Variants in RABEP1 observed in about 807,000 individuals in gnomAD.
RABEP1 encodes the protein rabaptin, RAB GTPase binding effector protein 1.
In RABEP1, 51 loss-of-function variants were observed where a neutral mutation model predicts 123.4. That is an observed-to-expected ratio of 0.41 (90% CI 0.33 to 0.52). The LOEUF (loss-of-function observed/expected upper bound fraction) is 0.52, where lower values mean the gene tolerates loss of function less well. Among genes scored for constraint, RABEP1 ranks in the 20% least tolerant of loss-of-function variants. The probability of loss-of-function intolerance (pLI) is 0.16; values close to 1 mark genes in which losing one functional copy is unlikely to be tolerated. For missense variants in RABEP1, 888 were observed against 996.3 expected (o/e 0.89, Z 1.46); for synonymous variants, 347 against 355.2 (o/e 0.98, Z 0.26).
intron 1 of RABEP1, among the ~76,000 whole-genome samples, chr17:5,284,735 G>A (rs1043739720): frequency 1.3e-5 from 2 of 152,076 alleles, no homozygotes; most frequent in East Asian, 3.8e-4. Flanking sequence ...CAAAGTGCTA[G>A]GATTGTAGGT....
At chr17:5,297,708 T>G (rs1187048208) in intron 1 of RABEP1, among the ~76,000 whole-genome samples, 1 of 152,238 alleles carries the variant, frequency 6.6e-6, no homozygotes, top group Non-Finnish European at 1.5e-5. Flanking sequence ...ATTTAATCCT[T>G]ACTACAAAGC....
chr17:5,302,901 G>A (rs1403129288), intron 1 of RABEP1, among the ~76,000 whole-genome samples: 4 of 151,098 alleles, frequency 2.6e-5, no homozygotes, highest in African/African-American at 9.9e-5. Context: ...TTTAAAAAAT[G>A]ATTTTTTTTG....
chr17:5,343,664 T>G (rs1265039869), intron 5 of RABEP1, among the ~76,000 whole-genome samples: 1 of 139,382 alleles, frequency 7.2e-6, no homozygotes, highest in African/African-American at 2.9e-5. Flanking sequence ...TCTTTCTTTC[T>G]TTTCTCTTTT....
rs74530772 is a variant in RABEP1 at position 5,318,066 on chromosome 17, T to C, written c.163+9244T>C. 5.5e-4 allele frequency among the ~76,000 whole-genome samples: 84 copies of C among 152,310 alleles called. 2 individuals are homozygous for C. The East Asian group carries it at 0.016, about 29-fold the overall frequency. ...TCTATATCCTTTGTAATAGTCTTTATAATAAACTGGTAAATGCAAATAAAT... is the reference window on the plus strand; with the variant it reads ...TCTATATCCTTTGTAATAGTCTTTACAATAAACTGGTAAATGCAAATAAAT... On this transcript the variant is annotated intron_variant, in intron 2 of 17. Transcript: ENST00000537505.
At position 5,383,929 on chromosome 17, in the gene RABEP1, C is replaced by CTT. The variant is rs1374833693; in HGVS notation, c.*708_*709dup. ...AAGGTTAAAGGAAAAGCACAAGAAA[C>CTT]TTTGGAAGCACTTTTTCTGCATACT... On this transcript the variant is annotated 3_prime_UTR_variant, in exon 18 of 18. Transcript: ENST00000537505. The CTT allele has an allele frequency of 1.8e-5, 4 of 222,228 alleles. No individual in the cohort carries two copies. The highest frequency in any genetic ancestry group is 2.7e-5 in the Non-Finnish European group (3 of 111,146). 13.8% of individuals were successfully genotyped at this position (222,228 alleles called of 1,614,324 possible).
At chr17:5,311,998 C>G (rs1238576112) in intron 2 of RABEP1, among the ~76,000 whole-genome samples, 2 of 152,164 alleles carry the variant, frequency 1.3e-5, no homozygotes, top group African/African-American at 2.4e-5. Flanking sequence ...TTACATAGTT[C>G]TTTAGCATCA....
Position 5,308,834 on chromosome 17 carries a change from A to C in RABEP1, c.163+12A>C. 1 of 1,587,836 alleles carries C rather than the reference A, an allele frequency of 6.3e-7. No homozygotes were observed. On this transcript the variant is annotated intron_variant, in intron 2 of 17. Coordinates refer to ENST00000537505, the MANE Select transcript of RABEP1 (RefSeq NM_004703.6). ...TTTGGCTAAAGAGGGTAAGTTCATA[A>C]GTCTCGCACCAACTTCAATGCGAAA...
intron 2 of RABEP1, among the ~76,000 whole-genome samples, chr17:5,314,361 G>A (rs773467993): frequency 1.9e-4 from 28 of 144,440 alleles, no homozygotes; most frequent in Non-Finnish European, 2.8e-4. Flanking sequence ...TCCTGCCTTA[G>A]CCTCCTAAGT....
intron 4 of RABEP1, 151 bp downstream of exon 4, chr17:5,335,495 G>T: frequency 1.5e-6 from 1 of 658,950 alleles, no homozygotes; most frequent in Non-Finnish European, 2.5e-6. Context: ...ACTAAATAAT[G>T]TTATATCTAT....
intron 1 of RABEP1, among the ~76,000 whole-genome samples, chr17:5,299,719 C>CTTTTCTTTTTTTTTT (rs2075116264): frequency 2.0e-5 from 2 of 98,854 alleles, no homozygotes; most frequent in East Asian, 1.0e-3. Flanking sequence ...TTTTTCTTTT[C>CTTTTCTTTTTTTTTT]TTTTTCTTTT....
chr17:5,289,792 T>A (rs955301700), intron 1 of RABEP1, among the ~76,000 whole-genome samples: 20 of 152,192 alleles, frequency 1.3e-4, no homozygotes, highest in Middle Eastern at 3.2e-3. Context: ...TTGTAAATTA[T>A]AACTTGGTAA....
chr17:5,345,135 G>C (rs929544221), intron 5 of RABEP1, among the ~76,000 whole-genome samples: 7 of 152,130 alleles, frequency 4.6e-5, no homozygotes, highest in Non-Finnish European at 5.9e-5. Flanking sequence ...AGGTTGTAAG[G>C]GTTATAGAGA....
chr17:5,291,822 C>T (rs1269071023), intron 1 of RABEP1, among the ~76,000 whole-genome samples: 3 of 152,094 alleles, frequency 2.0e-5, no homozygotes, highest in South Asian at 4.1e-4. Context: ...AGAGAGTCAT[C>T]TGAACCTGGG....
At chr17:5,294,808 A>G (rs55851402) in intron 1 of RABEP1, among the ~76,000 whole-genome samples, 2 of 150,904 alleles carry the variant, frequency 1.3e-5, no homozygotes, top group East Asian at 4.0e-4. Context: ...CCACCACGCC[A>G]GGCTAATTTT....
intron 6 of RABEP1, among the ~76,000 whole-genome samples, chr17:5,347,552 A>G (rs930619140): frequency 2.0e-5 from 3 of 152,202 alleles, no homozygotes; most frequent in Non-Finnish European, 2.9e-5. Context: ...GAGGTGTATT[A>G]GCAAAAGTGA....
Position 5,282,391 on chromosome 17 carries a change from C to T in RABEP1, c.-96C>T, listed in dbSNP as rs2074932905. The stretch of plus-strand genomic sequence containing the variant: ...GTTTCTCTCTGGGCGGCGGCGGCGG[C>T]GGCTCGGTTGACGCCTCCTCCGCCA... On this transcript the variant is annotated 5_prime_UTR_variant, in exon 1 of 18. Transcript: ENST00000537505. 1.7e-5 allele frequency: 17 copies of T among 1,005,292 alleles called. No homozygotes were observed. The highest frequency in any genetic ancestry group is 2.7e-5 in the South Asian group (1 of 37,312). The allele number at this position is 1,005,292 out of a possible 1,614,324, so 62.3% of individuals were successfully genotyped here. A position where few individuals can be genotyped will look rare whatever the true frequency, so the allele number is the denominator to read the frequency against.
chr17:5,305,987 A>C (rs927949988), intron 1 of RABEP1, among the ~76,000 whole-genome samples: 2 of 152,200 alleles, frequency 1.3e-5, no homozygotes, highest in South Asian at 4.1e-4. Context: ...TTCGGCAATG[A>C]TTGCACTTAC....
In RABEP1 at chr17:5,329,019, CT is replaced by C. The variant is rs760060600; in HGVS notation, c.164-2910del. 6.1e-3 allele frequency among the ~76,000 whole-genome samples: 678 copies of C among 110,632 alleles called. 1 individual carries two copies. The highest frequency in any genetic ancestry group is 8.5e-3 in the African/African-American group (244 of 28,832). The allele number at this position is 110,632 out of a possible 152,430, so 72.6% of individuals were successfully genotyped here. ...TAATTTAAACAAATATTCAGAAAGACTTTTTTTTTTTTTTTTTTTTGTCAAT... is the reference window on the plus strand; with the variant it reads ...TAATTTAAACAAATATTCAGAAAGACTTTTTTTTTTTTTTTTTTTGTCAAT... On this transcript the variant is annotated intron_variant, in intron 2 of 17. Coordinates refer to ENST00000537505, the MANE Select transcript of RABEP1 (RefSeq NM_004703.6).
chr17:5,362,360 G>A (rs915071069), intron 9 of RABEP1, among the ~76,000 whole-genome samples: 1 of 152,204 alleles, frequency 6.6e-6, no homozygotes, highest in South Asian at 2.1e-4. Flanking sequence ...AGTTGCTCAA[G>A]TGTTCCCTTT....
Sources: allele counts gnomAD v4.1 joint callset (sites outside exome capture counted in the v4.1 genomes callset), GRCh38; gene constraint gnomAD v4.1.1; transcripts MANE v1.5; gene names NCBI Gene and HGNC (gene_info 2026-07-23, HGNC 2026-07-21).